The following PALLD variants were observed in gnomAD, a reference collection of about 807,000 sequenced individuals.
The protein encoded by PALLD is palladin, cytoskeletal associated protein.
PALLD carries 61 observed loss-of-function variants against 123.5 expected under a neutral mutation model. The ratio of observed to expected loss-of-function variants is 0.49; its 90% CI spans 0.40 to 0.61. PALLD has a LOEUF of 0.61. Ranked by LOEUF, PALLD falls within the 20% of genes least tolerant of loss-of-function variation. The pLI is 0.00. For missense variants in PALLD, 1,273 were observed against 1,377.0 expected, an observed-to-expected ratio of 0.92 and a Z score of 1.20; for synonymous variants, 465 against 496.4, an observed-to-expected ratio of 0.94 and a Z score of 0.84.
rs181699716 is a variant in PALLD, at chr4:168,611,154, G to A, written c.909-57036G>A. 7.2e-5 allele frequency among the ~76,000 whole-genome samples: 11 copies of A among 152,214 alleles called. No homozygotes were observed. The East Asian group carries it at 1.4e-3, about 19-fold the overall frequency. The stretch of plus-strand genomic sequence containing the variant: ...TGGTTTGGACCTAATATCAGCAAAC[G>A]GAGTTGTTTTCTGGTTCTGGGGTCT... On this transcript the variant is annotated intron_variant, in intron 2 of 21. Coordinates refer to ENST00000505667, the MANE Select transcript of PALLD (RefSeq NM_001166108.2).
At chr4:168,683,676 T>TA (rs375061129) in intron 5 of PALLD, among the ~76,000 whole-genome samples, 8,612 of 149,306 alleles carry the variant, frequency 0.058, 324 homozygotes, top group South Asian at 0.15. Flanking sequence ...GAACTTCTTT[T>TA]AAAAAAAAAA....
chr4:168,919,515 A>ACTGT (rs1179024460), intron 17 of PALLD, among the ~76,000 whole-genome samples: 1 of 150,348 alleles, frequency 6.7e-6, no homozygotes, highest in Admixed American at 6.6e-5. Flanking sequence ...AAGGAGCAAG[A>ACTGT]CTGTCTTAAA....
intron 2 of PALLD, among the ~76,000 whole-genome samples, chr4:168,578,031 A>T (rs1769813789): frequency 6.6e-6 from 1 of 152,092 alleles, no homozygotes; most frequent in Admixed American, 6.6e-5. Context: ...TTTCAATTTA[A>T]TGTGTGCTTC....
At chr4:168,845,973 T>C (rs1746785497) in intron 10 of PALLD, among the ~76,000 whole-genome samples, 1 of 152,222 alleles carries the variant, frequency 6.6e-6, no homozygotes, top group Non-Finnish European at 1.5e-5. Flanking sequence ...ATTAATGTGG[T>C]CTCAATCAGT....
At chr4:168,713,119 C>T (rs1482674088) in intron 10 of PALLD, among the ~76,000 whole-genome samples, 3 of 152,166 alleles carry the variant, frequency 2.0e-5, no homozygotes, top group Non-Finnish European at 4.4e-5. Flanking sequence ...CGATATATTG[C>T]TACCCTCTAC....
intron 2 of PALLD, among the ~76,000 whole-genome samples, chr4:168,575,635 C>T (rs1214145991): frequency 1.3e-5 from 2 of 152,028 alleles, no homozygotes; most frequent in Admixed American, 6.6e-5. Context: ...TCGGAGCTGC[C>T]GTTGCTGGTC....
intron 10 of PALLD, among the ~76,000 whole-genome samples, chr4:168,833,097 G>A (rs75037013): frequency 0.093 from 14,211 of 152,134 alleles, 1,288 homozygotes; most frequent in African/African-American, 0.23. Context: ...GGGGCTTCCC[G>A]CCCGTTTGTC....
intron 10 of PALLD, among the ~76,000 whole-genome samples, chr4:168,815,146 A>T (rs1334067061): frequency 2.0e-5 from 3 of 152,242 alleles, no homozygotes; most frequent in Admixed American, 6.5e-5. Flanking sequence ...TAAACATTTT[A>T]AAATTAACTT....
chr4:168,681,363 T>C lies in PALLD; in HGVS notation c.1119T>C (p.Ser373=), dbSNP rs1386988386. The C allele has an allele frequency of 2.5e-6, 4 of 1,609,242 alleles. No homozygotes were observed. Among genetic ancestry groups the C allele is most frequent in the Non-Finnish European group, 3.4e-6 (4 of 1,175,884 alleles). The change falls in exon 4 of 22, where the codon AGT becomes AGC. Residue 373 remains serine (S), a synonymous_variant. Coordinates refer to ENST00000505667, the MANE Select transcript of PALLD (RefSeq NM_001166108.2). ...GTTCAACAGATTCTGACAGTGAAAG[T>C]TTAGCTTTCAAATCAAGAGCTGGAG... ...GASSTDSDSE[S]LAFKSRAGAM...
At chr4:168,813,941 C>T (rs574155082) in intron 10 of PALLD, among the ~76,000 whole-genome samples, 4 of 152,226 alleles carry the variant, frequency 2.6e-5, no homozygotes, top group African/African-American at 9.6e-5. Flanking sequence ...CACAGCATCC[C>T]TCAGGATATC....
Position 168,683,035 on chromosome 4 carries a change from G to A in PALLD, c.1192G>A (p.Gly398Arg). 5.0e-6 allele frequency: 8 copies of A among 1,612,672 alleles called. No individual in the cohort carries two copies. The highest frequency in any genetic ancestry group is 6.8e-6 in the Non-Finnish European group (8 of 1,178,818). ...KKTTSVSLTI[G>R]SSSPKTGVTT... ...AACAACTTCTGTTTCCTTGACAATA[G>A]GATCATCATCTCCAAAGACAGGGGT... is the stretch of plus-strand genomic sequence containing the variant. The change falls in exon 5 of 22, where the codon GGA becomes AGA. Residue 398 changes from glycine to arginine, a missense_variant. By Grantham distance (125) the Gly-to-Arg change is moderately radical. Around this residue, in one of 2 missense-constraint regions of PALLD, gnomAD observed 944 missense variants for 954.5 expected, o/e 0.99. Transcript: ENST00000505667.
chr4:168,711,634 T>A lies in PALLD; in HGVS notation c.1675T>A (p.Phe559Ile), dbSNP rs76565603. ...AATGGGAGAATCCAACAATGACCAC[T>A]TCCAACACTTTCCACCTCCCCCTCC... ...ESMGESNNDH[F>I]QHFPPPPPIL... The change falls in exon 10 of 22, where the codon TTC becomes ATC. Residue 559 changes from phenylalanine (F) to isoleucine (I), a missense_variant. Phe to Ile is a conservative substitution (Grantham distance 21). Around this residue, in one of 2 missense-constraint regions of PALLD, gnomAD observed 944 missense variants for 954.5 expected, o/e 0.99. Transcript: ENST00000505667. The A allele has an allele frequency of 6.2e-7, 1 of 1,614,152 alleles. No individual in the cohort carries two copies. Among genetic ancestry groups the A allele is most frequent in the Non-Finnish European group, 8.5e-7 (1 of 1,180,018 alleles).
intron 1 of PALLD, among the ~76,000 whole-genome samples, chr4:168,507,962 C>T (rs948704122): frequency 1.3e-5 from 2 of 152,212 alleles, no homozygotes; most frequent in Non-Finnish European, 2.9e-5. Context: ...CACCTCCCCG[C>T]TCTTCCTCAT....
intron 2 of PALLD, among the ~76,000 whole-genome samples, chr4:168,588,268 T>TA (rs1771044604): frequency 6.6e-6 from 1 of 152,080 alleles, no homozygotes; most frequent in African/African-American, 2.4e-5. Flanking sequence ...ACTGGCCCAT[T>TA]ATTGTGAGAA....
At chr4:168,520,347 A>AGAGAG (rs11420544) in intron 2 of PALLD, among the ~76,000 whole-genome samples, 9,447 of 82,686 alleles carry the variant, frequency 0.11, 623 homozygotes, top group Non-Finnish European at 0.13. Flanking sequence ...AAAAAAAAAA[A>AGAGAG]AGAGAGAGAG....
chr4:168,639,201 A>G (rs1475407344), intron 2 of PALLD, among the ~76,000 whole-genome samples: 2 of 152,238 alleles, frequency 1.3e-5, no homozygotes, highest in Non-Finnish European at 2.9e-5. Flanking sequence ...TGAATTTTCA[A>G]AACTGTGAAA....
intron 10 of PALLD, among the ~76,000 whole-genome samples, chr4:168,726,772 C>A (rs1786632201): frequency 6.6e-6 from 1 of 152,004 alleles, no homozygotes; most frequent in Admixed American, 6.6e-5. Context: ...AAATCAACTT[C>A]TATTTTAGAT....
At chr4:168,632,561 T>C (rs1370250816) in intron 2 of PALLD, among the ~76,000 whole-genome samples, 1 of 152,218 alleles carries the variant, frequency 6.6e-6, no homozygotes, top group Non-Finnish European at 1.5e-5. Context: ...AATCCAATGC[T>C]ACTTTCCCGG....
chr4:168,560,726 G>C (rs1330030629), intron 2 of PALLD, among the ~76,000 whole-genome samples: 1 of 152,152 alleles, frequency 6.6e-6, no homozygotes, highest in East Asian at 1.9e-4. Flanking sequence ...CCTAGTAAGT[G>C]CCAGGTACTG....
Sources: allele counts gnomAD v4.1 joint callset (sites outside exome capture counted in the v4.1 genomes callset), GRCh38; gene constraint gnomAD v4.1.1; regional missense constraint gnomAD v4.1.1; transcripts MANE v1.5; gene names NCBI Gene and HGNC (gene_info 2026-07-23, HGNC 2026-07-21).